Variants in TLK1 observed in about 807,000 individuals in gnomAD.
The protein encoded by TLK1 is tousled like kinase 1, also known as serine/threonine-protein kinase tousled-like 1.
In TLK1, 24 loss-of-function variants were observed where a neutral mutation model predicts 105.3. The ratio of observed to expected loss-of-function variants is 0.23; its 90% CI spans 0.17 to 0.32. The LOEUF (loss-of-function observed/expected upper bound fraction) is 0.32, where lower values mean the gene tolerates loss of function less well. TLK1 is among the 10% of genes least tolerant of loss of function. The probability of loss-of-function intolerance (pLI) is 1.00; values close to 1 mark genes in which losing one functional copy is unlikely to be tolerated. For synonymous variants in TLK1, 321 were observed against 310.4 expected (o/e 1.03, Z -0.36); for missense variants, 558 against 910.5 (o/e 0.61, Z 4.98).
At chr2:171,214,078 T>C (rs1466045399) in intron 1 of TLK1, among the ~76,000 whole-genome samples, 1 of 151,382 alleles carries the variant, frequency 6.6e-6, no homozygotes, top group Non-Finnish European at 1.5e-5. Context: ...TGGTGGCACA[T>C]GCCTGTAGTT....
intron 1 of TLK1, among the ~76,000 whole-genome samples, chr2:171,180,030 A>G (rs75963296): frequency 0.045 from 6,742 of 150,788 alleles, 439 homozygotes; most frequent in East Asian, 0.29. Flanking sequence ...GGGGGCCAGA[A>G]GTTGCAGTGA....
rs1317412955 is a variant in TLK1, at chr2:171,156,737, T to C, written c.139+3553A>G. Among the ~76,000 whole-genome samples the C allele has an allele frequency of 2.6e-5, 4 of 152,246 alleles. No homozygotes were observed. In the East Asian group the frequency reaches 7.7e-4, roughly 29 times the overall value. ...GTACACCTTCGTTTTTAACATCTCA[T>C]TACTAAATCATCTGAAGTCAATTAC... On this transcript the variant is annotated intron_variant, in intron 1 of 20. Coordinates refer to ENST00000431350, the MANE Select transcript of TLK1 (RefSeq NM_012290.5).
intron 1 of TLK1, among the ~76,000 whole-genome samples, chr2:171,138,304 G>A (rs938214760): frequency 4.6e-5 from 7 of 152,106 alleles, no homozygotes; most frequent in Admixed American, 3.3e-4. Flanking sequence ...TACTTACAAC[G>A]ACATATTTAA....
At chr2:171,180,160 G>A (rs573036822) in intron 1 of TLK1, among the ~76,000 whole-genome samples, 1 of 151,568 alleles carries the variant, frequency 6.6e-6, no homozygotes, top group Admixed American at 6.6e-5. Context: ...CAGCTACTCG[G>A]GGCCACTGCA....
intron 1 of TLK1, among the ~76,000 whole-genome samples, chr2:171,171,875 AG>A: frequency 6.6e-6 from 1 of 152,340 alleles, no homozygotes; most frequent in East Asian, 1.9e-4. Context: ...TAACCACTAA[AG>A]CTGAAATGTC....
rs1166953924 is a variant in TLK1, at chr2:170,992,533, T to C, written c.*1247A>G. ...TTTGCTTATGGGACCATCTTGCTGA[T>C]AAGAACTTTCTAGAAATGTAGAATA... is the stretch of plus-strand genomic sequence containing the variant. On this transcript the variant is annotated 3_prime_UTR_variant, in exon 21 of 21. Transcript: ENST00000431350. 6.6e-6 allele frequency: 1 copy of C among 152,606 alleles called. No individual in the cohort carries two copies. The highest frequency in any genetic ancestry group is 1.5e-5 in the Non-Finnish European group (1 of 67,994). The allele number at this position is 152,606 out of a possible 1,614,324, so 9.5% of individuals were successfully genotyped here.
chr2:171,202,249 A>G (rs1693418399), intron 1 of TLK1, among the ~76,000 whole-genome samples: 2 of 152,028 alleles, frequency 1.3e-5, no homozygotes, highest in African/African-American at 2.4e-5. Context: ...TGAGGTCAGG[A>G]GTTCGAGATC....
chr2:171,088,308 A>G (rs6761642), intron 2 of TLK1, among the ~76,000 whole-genome samples: 61,394 of 151,910 alleles, frequency 0.4, 14,142 homozygotes, highest in African/African-American at 0.61. Flanking sequence ...CTCCACCCTG[A>G]GCGACTGAGA....
chr2:170,993,113 T>C lies in TLK1; in HGVS notation c.*667A>G, dbSNP rs1330199173. 6.6e-6 allele frequency: 1 copy of C among 152,632 alleles called. No homozygotes were observed. The highest frequency in any genetic ancestry group is 1.5e-5 in the Non-Finnish European group (1 of 68,044). 9.5% of individuals were successfully genotyped at this position (152,632 alleles called of 1,614,324 possible). On this transcript the variant is annotated 3_prime_UTR_variant, in exon 21 of 21. Transcript: ENST00000431350. ...CATTTTGTCAAAGGTGTAAAGTATTTAGAAATAATAGCTCTCCCTTTAATA... is the reference window on the plus strand; with the variant it reads ...CATTTTGTCAAAGGTGTAAAGTATTCAGAAATAATAGCTCTCCCTTTAATA...
At chr2:171,011,571 G>C in intron 13 of TLK1, 117 bp from the exon 14 acceptor site, 1 of 771,460 alleles carries the variant, frequency 1.3e-6, no homozygotes, top group East Asian at 2.8e-5. Flanking sequence ...TTACTCCACT[G>C]CTAATTTCAA....
chr2:171,129,829 A>AC (rs1471698735), intron 1 of TLK1, among the ~76,000 whole-genome samples: 32 of 145,260 alleles, frequency 2.2e-4, no homozygotes, highest in South Asian at 4.4e-4. Flanking sequence ...ATAGGTTACC[A>AC]AATAACATAA....
chr2:171,055,010 C>A, intron 7 of TLK1, 73 bp downstream of exon 7: 1 of 796,674 alleles, frequency 1.3e-6, no homozygotes, highest in Non-Finnish European at 1.9e-6. Context: ...AACAAACAGA[C>A]ATCTTAGTTG....
intron 4 of TLK1, among the ~76,000 whole-genome samples, chr2:171,060,738 A>T (rs897936310): frequency 1.3e-5 from 2 of 152,120 alleles, no homozygotes; most frequent in African/African-American, 4.8e-5. Context: ...CCTTTTTTTT[A>T]AATAAATGGG....
At chr2:171,082,270 G>C (rs1469771709) in intron 3 of TLK1, among the ~76,000 whole-genome samples, 1 of 152,026 alleles carries the variant, frequency 6.6e-6, no homozygotes, top group African/African-American at 2.4e-5. Flanking sequence ...GGATCAGTAA[G>C]TGGGTAAAAG....
intron 1 of TLK1, among the ~76,000 whole-genome samples, chr2:171,144,370 T>C (rs1160782130): frequency 6.6e-6 from 1 of 152,058 alleles, no homozygotes; most frequent in Non-Finnish European, 1.5e-5. Flanking sequence ...AATACACATT[T>C]TTCTAAAAAA....
intron 1 of TLK1, among the ~76,000 whole-genome samples, chr2:171,125,283 T>C (rs1469433285): frequency 6.6e-6 from 1 of 152,216 alleles, no homozygotes; most frequent in Non-Finnish European, 1.5e-5. Flanking sequence ...TAGTGTAGTA[T>C]ATGATTAGTC....
chr2:171,221,083 T>C (rs1396262957), intron 1 of TLK1, among the ~76,000 whole-genome samples: 1 of 152,082 alleles, frequency 6.6e-6, no homozygotes, highest in African/African-American at 2.4e-5. Flanking sequence ...TAATAATCTC[T>C]AGGAATAAGT....
intron 2 of TLK1, among the ~76,000 whole-genome samples, chr2:171,093,318 G>C (rs1018885704): frequency 3.3e-5 from 5 of 152,164 alleles, no homozygotes; most frequent in Admixed American, 6.6e-5. Context: ...GTGTTGAAGA[G>C]GGACACAGGA....
At chr2:171,189,844 C>T (rs1363956931) in intron 1 of TLK1, among the ~76,000 whole-genome samples, 1 of 151,924 alleles carries the variant, frequency 6.6e-6, no homozygotes, top group Non-Finnish European at 1.5e-5. Flanking sequence ...ATTTGAATTC[C>T]AAGCAAGAAG....
Sources: gnomAD v4.1 joint callset for allele counts (sites outside exome capture counted in the v4.1 genomes callset) on GRCh38, gnomAD v4.1.1 for gene constraint, MANE v1.5 for transcripts, NCBI Gene and HGNC (gene_info 2026-07-23, HGNC 2026-07-21) for gene names.